Variants in IQCE observed in about 807,000 individuals in gnomAD.
The protein encoded by IQCE is IQ motif containing E, also known as IQ domain-containing protein E.
In IQCE, 115 loss-of-function variants were observed where a neutral mutation model predicts 96.0. That is an observed-to-expected ratio of 1.20 (90% confidence interval 1.03 to 1.40). The LOEUF (loss-of-function observed/expected upper bound fraction) is 1.40. Among genes scored for constraint, IQCE ranks in the 40% most tolerant of loss-of-function variants. The probability of loss-of-function intolerance (pLI) is 0.00; values close to 1 mark genes in which losing one functional copy is unlikely to be tolerated. For synonymous variants in IQCE, 412 were observed against 371.2 expected (o/e 1.11, Z -1.26); for missense variants, 1,041 against 909.1 (o/e 1.15, Z -1.87).
intron 14 of IQCE, among the ~76,000 whole-genome samples, chr7:2,591,467 TAGTTTGCAAGAACTAC>T (rs1429712920): frequency 6.6e-6 from 1 of 152,102 alleles, no homozygotes; most frequent in Non-Finnish European, 1.5e-5. Flanking sequence ...TGTTTCTCTC[TAGTTTGCAAGAACTAC>T]AGTGACTGCC....
intron 2 of IQCE, 152 bp downstream of exon 2, chr7:2,567,315 T>A: frequency 2.9e-6 from 2 of 684,330 alleles, no homozygotes; most frequent in South Asian, 3.3e-5. Flanking sequence ...TTGAAAAGTT[T>A]CCAGCCCTTA....
intron 15 of IQCE, among the ~76,000 whole-genome samples, chr7:2,594,047 G>A (rs1232434960): frequency 1.3e-5 from 2 of 151,882 alleles, no homozygotes; most frequent in Non-Finnish European, 2.9e-5. Context: ...AGATCGTGAG[G>A]TCAGGAGTTC....
rs527288687 is a variant in IQCE, at chr7:2,561,831, T to A, written c.36+2614T>A. ...TTAGGATTTTCTATGTATAAAATCA[T>A]GTTGTCTGTGAATAGAGATAGTTTT... On this transcript the variant is annotated intron_variant, in intron 1 of 21. Coordinates refer to ENST00000402050, the MANE Select transcript of IQCE (RefSeq NM_152558.5). Among the ~76,000 whole-genome samples, 11 of 152,374 alleles carry A rather than the reference T, an allele frequency of 7.2e-5. No individual in the cohort carries two copies. The South Asian group carries it at 2.3e-3, about 32-fold the overall frequency.
At chr7:2,589,885 C>T (rs759144495) in intron 13 of IQCE, 22 bp from the exon 14 acceptor site, 3 of 1,609,116 alleles carry the variant, frequency 1.9e-6, no homozygotes, top group East Asian at 2.2e-5. Context: ...TAGTATCTAA[C>T]ACATGTCTGT....
Position 2,578,508 on chromosome 7 carries a change from A to G in IQCE, c.612A>G (p.Lys204=), listed in dbSNP as rs775995355. Residue 204 remains lysine (K), a synonymous_variant, in exon 8 of 22, where the codon AAA becomes AAG. Coordinates refer to ENST00000402050, the MANE Select transcript of IQCE (RefSeq NM_152558.5). The part of the protein sequence containing the change: ...GTDFVRTLAE[K]RPDASWVING... ...ATTTTGTTCGGACTCTGGCAGAGAAAAGGCCCGATGCCAGTTGGGTGAGTA... is the reference window on the plus strand; with the variant it reads ...ATTTTGTTCGGACTCTGGCAGAGAAGAGGCCCGATGCCAGTTGGGTGAGTA... The G allele has an allele frequency of 1.2e-6, 2 of 1,614,210 alleles. No individual in the cohort carries two copies. The highest frequency in any genetic ancestry group is 3.3e-5 in the Admixed American group (2 of 60,026).
chr7:2,571,317 C>G (rs1781737912), intron 3 of IQCE: 1 of 565,030 alleles, frequency 1.8e-6, no homozygotes, highest in Admixed American at 3.2e-5. Context: ...CCATGCCTGG[C>G]CTCATTATGC....
rs542913446 is a variant in IQCE, at chr7:2,614,322, G to A, written c.*4160G>A. 2.4e-4 allele frequency: 36 copies of A among 152,346 alleles called. No homozygotes were observed. Among genetic ancestry groups the A allele is most frequent in the African/African-American group, 8.7e-4 (36 of 41,582 alleles). 9.4% of individuals were successfully genotyped at this position (152,346 alleles called of 1,614,324 possible). On this transcript the variant is annotated 3_prime_UTR_variant, in exon 22 of 22. Transcript: ENST00000402050. ...TTCCTCCTTTGGTTTTGGAAGCAGC[G>A]TTTGCTCTCCCGTGGCTCGGATTCT...
Position 2,605,803 on chromosome 7 carries a change from CCTGGGGGTTG to C in IQCE, c.1744-72_1744-63del, listed in dbSNP as rs1784773965. On this transcript the variant is annotated intron_variant, in intron 19 of 21. Transcript: ENST00000402050. Reference sequence around the variant, plus strand: ...CCTGTCTCCCTGACGCCCAGGGTGCCCTGGGGGTTGAGTGCTGGGAGCCAGCAGGGGGCTG... The same window carrying C: ...CCTGTCTCCCTGACGCCCAGGGTGCCAGTGCTGGGAGCCAGCAGGGGGCTG... 37 of 1,400,440 alleles carry C rather than the reference CCTGGGGGTTG, an allele frequency of 2.6e-5. No homozygotes were observed. The South Asian group carries it at 5.4e-4, about 21-fold the overall frequency. The allele number at this position is 1,400,440 out of a possible 1,614,324, so 86.8% of individuals were successfully genotyped here. A position where few individuals can be genotyped will look rare whatever the true frequency, so the allele number is the denominator to read the frequency against.
In IQCE at chr7:2,559,197, G is replaced by A. The variant is rs1465805772; in HGVS notation, c.16G>A (p.Gly6Arg). 1 of 1,215,546 alleles carries A rather than the reference G, an allele frequency of 8.2e-7. No individual in the cohort carries two copies. The allele number at this position is 1,215,546 out of a possible 1,614,324, so 75.3% of individuals were successfully genotyped here. Residue 6 changes from glycine (G) to arginine (R), a missense_variant, in exon 1 of 22, where the codon GGG becomes AGG. By Grantham distance (125) the Gly-to-Arg change is moderately radical (BLOSUM62 -2). Transcript: ENST00000402050. ...CGCCGCCACCATGTTCCTGGGCACCGGGGAGCCGGCCTTGGACACGGTAAG... is the reference window on the plus strand; with the variant it reads ...CGCCGCCACCATGTTCCTGGGCACCAGGGAGCCGGCCTTGGACACGGTAAG... MFLGT[G>R]EPALDTGDDS...
At position 2,614,202 on chromosome 7, in the gene IQCE, G is replaced by A. The variant is rs1393693452; in HGVS notation, c.*4040G>A. On this transcript the variant is annotated 3_prime_UTR_variant, in exon 22 of 22. Transcript: ENST00000402050. ...ACCAAGATAAGCACAGCAAAGCTTG[G>A]CTGCATTTTTGAGGAATAAAAACCT... The A allele has an allele frequency of 6.6e-6, 1 of 152,234 alleles. No individual in the cohort carries two copies. The highest frequency in any genetic ancestry group is 2.4e-5 in the African/African-American group (1 of 41,462). 9.4% of individuals were successfully genotyped at this position (152,234 alleles called of 1,614,324 possible).
At position 2,586,871 on chromosome 7, in the gene IQCE, C is replaced by T. The variant is rs147432007; in HGVS notation, c.988+500C>T. 9.2e-4 allele frequency among the ~76,000 whole-genome samples: 140 copies of T among 152,100 alleles called. 1 individual carries two copies. Among genetic ancestry groups the T allele is most frequent in the African/African-American group, 3.0e-3 (126 of 41,490 alleles). Reference sequence around the variant, plus strand: ...GTGTGGCCCCTGAGGCCCAGCGGGGCGAGGCAGGGTGCCATGGGAGCCTTA... The same window carrying T: ...GTGTGGCCCCTGAGGCCCAGCGGGGTGAGGCAGGGTGCCATGGGAGCCTTA... On this transcript the variant is annotated intron_variant, in intron 12 of 21. Transcript: ENST00000402050.
In IQCE at chr7:2,582,392, A is replaced by T. The variant is rs567420079; in HGVS notation, c.631-188A>T. 1.5e-4 allele frequency among the ~76,000 whole-genome samples: 23 copies of T among 152,270 alleles called. No individual in the cohort carries two copies. The East Asian group carries it at 4.4e-3, about 29-fold the overall frequency. On this transcript the variant is annotated intron_variant, in intron 8 of 21. Transcript: ENST00000402050. ...GGTGTCGCACCCCTGCCATTCACCC[A>T]GCCTTACTCAGGGACAGGACAGCAC... is the stretch of plus-strand genomic sequence containing the variant.
At chr7:2,561,155 A>T (rs1780923072) in intron 1 of IQCE, among the ~76,000 whole-genome samples, 1 of 102,026 alleles carries the variant, frequency 9.8e-6, no homozygotes. Flanking sequence ...GTGGGGTTTC[A>T]CCATGTTGGC....
At chr7:2,575,709 G>A (rs1276017429) in intron 6 of IQCE, among the ~76,000 whole-genome samples, 1 of 152,198 alleles carries the variant, frequency 6.6e-6, no homozygotes, top group East Asian at 1.9e-4. Context: ...CTGACCTCTG[G>A]CTGGAGAGAA....
In IQCE at chr7:2,578,323, C is replaced by T; in HGVS notation, c.547C>T (p.Arg183Trp). The change falls in exon 7 of 22, where the codon CGG becomes TGG. Residue 183 changes from arginine (R) to tryptophan (W), a missense_variant. By Grantham distance (101) the Arg-to-Trp change is moderately radical. Transcript: ENST00000402050. The stretch of plus-strand genomic sequence containing the variant: ...GGAGGAGGAAAACAGCAGGAAGGAC[C>T]GGCAGATAGAGCAGCTCCTGGATCC... ...RLEEENSRKDRQIEQLLDPSR... is the reference protein window; with the variant it reads ...RLEEENSRKDWQIEQLLDPSR... 3.1e-6 allele frequency: 5 copies of T among 1,613,968 alleles called. No homozygotes were observed. The highest frequency in any genetic ancestry group is 2.2e-5 in the South Asian group (2 of 91,068).
chr7:2,606,611 C>G (rs1282249470), intron 20 of IQCE, among the ~76,000 whole-genome samples: 1 of 152,190 alleles, frequency 6.6e-6, no homozygotes, highest in Non-Finnish European at 1.5e-5. Context: ...TTCTCAGCCT[C>G]TGTGGTGGAG....
chr7:2,573,498 C>T lies in IQCE; in HGVS notation c.465+10C>T, dbSNP rs558444604. On this transcript the variant is annotated intron_variant, in intron 6 of 21. Transcript: ENST00000402050. ...TATTGAGTTAAAGAAGGTAGTATTT[C>T]GGTTTGTTCTCTATTGATTTGAAAC... The T allele has an allele frequency of 3.0e-5, 44 of 1,443,264 alleles. No individual in the cohort carries two copies. Among genetic ancestry groups the T allele is most frequent in the East Asian group, 2.5e-4 (11 of 44,204 alleles). The allele number at this position is 1,443,264 out of a possible 1,614,324, so 89.4% of individuals were successfully genotyped here. A position where few individuals can be genotyped will look rare whatever the true frequency, so the allele number is the denominator to read the frequency against.
chr7:2,605,636 G>GTAAATAAATAAA (rs10527603), intron 19 of IQCE, among the ~76,000 whole-genome samples: 20 of 148,940 alleles, frequency 1.3e-4, no homozygotes, highest in Middle Eastern at 3.5e-3. Context: ...AAATAAATAA[G>GTAAATAAATAAA]TAAATAAATA....
chr7:2,578,644 G>C, intron 8 of IQCE, 118 bp downstream of exon 8: 1 of 1,124,114 alleles, frequency 8.9e-7, no homozygotes, highest in Non-Finnish European at 1.3e-6. Context: ...CAGGGGGGAG[G>C]CTGCGGACCC....
Sources: allele counts gnomAD v4.1 joint callset (sites outside exome capture counted in the v4.1 genomes callset), GRCh38; gene constraint gnomAD v4.1.1; transcripts MANE v1.5; gene names NCBI Gene and HGNC (gene_info 2026-07-23, HGNC 2026-07-21).